Variants in NUAK2 observed in about 807,000 individuals in gnomAD.
NUAK2 encodes NUAK family SNF1-like kinase 2.
A neutral mutation model predicts 29.8 loss-of-function variants in NUAK2; 20 were observed. The ratio of observed to expected loss-of-function variants is 0.67; its 90% CI spans 0.47 to 0.98. The LOEUF is 0.98. NUAK2 is among the 50% of genes least tolerant of loss of function. The probability of loss-of-function intolerance (pLI) is 0.00; values close to 1 mark genes in which losing one functional copy is unlikely to be tolerated. For synonymous variants in NUAK2, 331 were observed against 342.6 expected (o/e 0.97, Z 0.37); for missense variants, 719 against 834.5 (o/e 0.86, Z 1.71).
Position 205,304,468 on chromosome 1 carries a change from C to T in NUAK2, c.869G>A (p.Arg290His), listed in dbSNP as rs760947538. The change falls in exon 7 of 7, where the codon CGC becomes CAC. Residue 290 changes from arginine (R) to histidine (H), a missense_variant. Transcript: ENST00000367157. This position sits in a 1 kb window ranked among gnomAD's most constrained non-coding sequence, Gnocchi z 6.5. Reference protein sequence around the residue: ...IRWLLMVNPTRRATLEDVASH... With the variant: ...IRWLLMVNPTHRATLEDVASH... ...GGCCACATCCTCCAGGGTGGCCCGG[C>T]GGGTGGGGTTCACCATCAACAGCCA... 2.1e-4 allele frequency: 322 copies of T among 1,526,138 alleles called. 1 individual carries two copies. Among genetic ancestry groups the T allele is most frequent in the Admixed American group, 4.2e-4 (20 of 47,090 alleles). 94.5% of individuals were successfully genotyped at this position (1,526,138 alleles called of 1,614,324 possible).
intron 4 of NUAK2, among the ~76,000 whole-genome samples, chr1:205,307,417 C>T (rs915416292): frequency 4.6e-5 from 7 of 152,146 alleles, no homozygotes; most frequent in African/African-American, 1.7e-4. Flanking sequence ...CCACCTGCTC[C>T]GGGAATTGGC....
At chr1:205,309,617 C>T (rs1390708530) in intron 2 of NUAK2, among the ~76,000 whole-genome samples, 3 of 152,180 alleles carry the variant, frequency 2.0e-5, no homozygotes, top group Non-Finnish European at 2.9e-5. Context: ...TGAGCCACCG[C>T]GCCTGGCCAC....
intron 6 of NUAK2, 80 bp downstream of exon 6, chr1:205,305,119 T>G: frequency 2.0e-6 from 3 of 1,537,122 alleles, no homozygotes; most frequent in Non-Finnish European, 2.6e-6. Context: ...TTGACTTTAG[T>G]GCCACTGTGT....
chr1:205,306,069 A>T, intron 5 of NUAK2, 119 bp downstream of exon 5: 1 of 1,370,124 alleles, frequency 7.3e-7, no homozygotes, highest in Non-Finnish European at 9.9e-7. Flanking sequence ...ACTTTTTGGG[A>T]GGCTTGAGAG....
In NUAK2 at chr1:205,321,594, G is replaced by A. The variant is rs1662420617; in HGVS notation, c.35C>T (p.Pro12Leu). Residue 12 changes from proline to leucine, a missense_variant, in exon 1 of 7, where the codon CCC becomes CTC. Pro to Leu is a moderately conservative substitution (Grantham distance 98). This residue lies in a region of NUAK2 where 283 missense variants were observed against 345.6 expected (regional missense o/e 0.82). Transcript: ENST00000367157. The stretch of plus-strand genomic sequence containing the variant: ...GGCTAGCTCTGCGGCCGAGGGAGTG[G>A]GGCCGGAGCGCCGCGCGAAAACCAG... ...ESLVFARRSG[P>L]TPSAAELARP... 6.2e-7 allele frequency: 1 copy of A among 1,612,030 alleles called. No individual in the cohort carries two copies. The highest frequency in any genetic ancestry group is 1.7e-5 in the Admixed American group (1 of 59,952).
At chr1:205,313,810 G>A (rs1453085737) in intron 1 of NUAK2, among the ~76,000 whole-genome samples, 1 of 152,196 alleles carries the variant, frequency 6.6e-6, no homozygotes, top group Non-Finnish European at 1.5e-5. Flanking sequence ...GGGGTGGGGT[G>A]TCACAGGGCC....
At chr1:205,319,773 TC>T (rs1662382885) in intron 1 of NUAK2, among the ~76,000 whole-genome samples, 1 of 152,156 alleles carries the variant, frequency 6.6e-6, no homozygotes, top group South Asian at 2.1e-4. Flanking sequence ...ACATACTCGG[TC>T]CTATTGATGG....
At chr1:205,317,938 C>A (rs900694860) in intron 1 of NUAK2, among the ~76,000 whole-genome samples, 3 of 152,230 alleles carry the variant, frequency 2.0e-5, no homozygotes, top group African/African-American at 7.2e-5. Context: ...AAGGGCAGGA[C>A]TTCATCAAAG....
At chr1:205,320,111 C>T (rs1447632260) in intron 1 of NUAK2, among the ~76,000 whole-genome samples, 1 of 152,200 alleles carries the variant, frequency 6.6e-6, no homozygotes, top group Non-Finnish European at 1.5e-5. Context: ...GTATTTTAAA[C>T]AAACATCCCA....
intron 1 of NUAK2, among the ~76,000 whole-genome samples, chr1:205,313,259 A>T (rs77504038): frequency 6.6e-6 from 1 of 151,654 alleles, no homozygotes; most frequent in Non-Finnish European, 1.5e-5. Flanking sequence ...AAAAAAAAAA[A>T]AGCCCCCAAA....
At chr1:205,311,424 T>G (rs2102253937) in intron 2 of NUAK2, among the ~76,000 whole-genome samples, 1 of 152,114 alleles carries the variant, frequency 6.6e-6, no homozygotes, top group East Asian at 1.9e-4. Context: ...CTCCCATGAG[T>G]GGAGCATTCA....
intron 5 of NUAK2, 114 bp from the exon 6 acceptor site, chr1:205,305,445 G>T: frequency 5.5e-6 from 8 of 1,453,722 alleles, no homozygotes; most frequent in Non-Finnish European, 6.3e-6. Context: ...CCTACCCAGG[G>T]GCCAAGACGG....
rs771364332 is a variant in NUAK2 at position 205,311,802 on chromosome 1, C to T, written c.255G>A (p.Lys85=). The T allele has an allele frequency of 5.0e-6, 8 of 1,614,056 alleles. No homozygotes were observed. In the South Asian group the frequency reaches 8.8e-5, roughly 18 times the overall value. Reference sequence around the variant, plus strand: ...GATCTTGCTCATCTTTGATTTTGTCCTTCCGGATTGACTTGATGGCCACCT... The same window carrying T: ...GATCTTGCTCATCTTTGATTTTGTCTTTCCGGATTGACTTGATGGCCACCT... The part of the protein sequence containing the change: ...GRLVAIKSIR[K]DKIKDEQDLM... Residue 85 remains lysine, a synonymous_variant, in exon 2 of 7, where the codon AAG becomes AAA. Transcript: ENST00000367157.
At chr1:205,319,953 C>CACACACACACACACACA (rs1289345353) in intron 1 of NUAK2, among the ~76,000 whole-genome samples, 25 of 149,296 alleles carry the variant, frequency 1.7e-4, no homozygotes, top group Admixed American at 8.0e-4. Context: ...ACACACACAC[C>CACACACACACACACACA]CCCTCACAAC....
At position 205,302,774 on chromosome 1, in the gene NUAK2, C is replaced by G. The variant is rs1469975849; in HGVS notation, c.*676G>C. ...GGCATGGTGGCGGGCGCCTGTAATCCCAGCTACTAGGGAGGCTGAGGCAGG... is the reference window on the plus strand; with the variant it reads ...GGCATGGTGGCGGGCGCCTGTAATCGCAGCTACTAGGGAGGCTGAGGCAGG... On this transcript the variant is annotated 3_prime_UTR_variant, in exon 7 of 7. Transcript: ENST00000367157. The G allele has an allele frequency of 6.6e-6, 1 of 152,084 alleles. No individual in the cohort carries two copies. The highest frequency in any genetic ancestry group is 1.5e-5 in the Non-Finnish European group (1 of 68,086). 9.4% of individuals were successfully genotyped at this position (152,084 alleles called of 1,614,324 possible).
intron 1 of NUAK2, among the ~76,000 whole-genome samples, chr1:205,313,438 G>A (rs1012930572): frequency 3.9e-5 from 6 of 152,172 alleles, no homozygotes; most frequent in Admixed American, 1.3e-4. Context: ...AAGGTGGAGA[G>A]AGGCAGGAAG....
intron 1 of NUAK2, 103 bp downstream of exon 1, chr1:205,321,294 GC>G (rs1662412790): frequency 9.8e-7 from 1 of 1,016,058 alleles, no homozygotes; most frequent in African/African-American, 1.7e-5. Flanking sequence ...GACCACGCTG[GC>G]CTCTCCGCCG....
At position 205,304,749 on chromosome 1, in the gene NUAK2, C is replaced by T. The variant is rs943044552; in HGVS notation, c.824-236G>A. Among the ~76,000 whole-genome samples, 2 of 152,116 alleles carry T rather than the reference C, an allele frequency of 1.3e-5. No individual in the cohort carries two copies. The highest frequency in any genetic ancestry group is 4.8e-5 in the African/African-American group (2 of 41,426). ...TCCTCTGACCCCTCAGGACTGTGAC[C>T]CCTTCATAAGCCCTTGTGTGTATGT... is the stretch of plus-strand genomic sequence containing the variant. On this transcript the variant is annotated intron_variant, in intron 6 of 6. Transcript: ENST00000367157. This position sits in a 1 kb window ranked among gnomAD's most constrained non-coding sequence, Gnocchi z 6.5.
Position 205,306,198 on chromosome 1 carries a change from G to C in NUAK2, c.680C>G (p.Thr227Arg). 6.2e-7 allele frequency: 1 copy of C among 1,612,876 alleles called. No individual in the cohort carries two copies. The highest frequency in any genetic ancestry group is 8.5e-7 in the Non-Finnish European group (1 of 1,179,276). Residue 227 changes from threonine to arginine, a missense_variant, in exon 5 of 7, where the codon ACA (threonine) becomes AGA (arginine). Thr to Arg is a moderately conservative substitution (Grantham distance 71). Coordinates refer to ENST00000367157, the MANE Select transcript of NUAK2 (RefSeq NM_030952.3). ...AGGGTGGCCACTTACCTCTGGGCCT[G>C]TGTAGGGCTTCCCATTGACAATCTC... The part of the protein sequence containing the change: ...SPEIVNGKPY[T>R]GPEVDSWSLG...
Sources: gnomAD v4.1 joint callset for allele counts (sites outside exome capture counted in the v4.1 genomes callset) on GRCh38, gnomAD v4.1.1 for gene constraint, gnomAD v4.1.1 regional missense constraint, Gnocchi (gnomAD v3.1) non-coding constraint, MANE v1.5 for transcripts, NCBI Gene and HGNC (gene_info 2026-07-23, HGNC 2026-07-21) for gene names.